KIRREL3: variants seen among roughly 807,000 people sequenced by gnomAD.
The protein encoded by KIRREL3 is kin of IRRE-like protein 3.
KIRREL3 carries 36 observed loss-of-function variants against 89.7 expected under a neutral mutation model. That is an observed-to-expected ratio of 0.40 (90% CI 0.31 to 0.53). KIRREL3 has a LOEUF of 0.53. KIRREL3 is among the 20% of genes least tolerant of loss of function. The pLI, the probability that KIRREL3 is intolerant of heterozygous loss-of-function variation, is 0.49. For missense variants in KIRREL3, 864 were observed against 1,056.6 expected (o/e 0.82, Z 2.53); for synonymous variants, 445 against 441.4 (o/e 1.01, Z -0.10).
intron 5 of KIRREL3, among the ~76,000 whole-genome samples, chr11:126,464,956 G>A (rs150506919): frequency 6.6e-6 from 1 of 152,256 alleles, no homozygotes; most frequent in African/African-American, 2.4e-5. Context: ...ATGTCATTCC[G>A]AAGCTAGTTC....
At position 126,521,078 on chromosome 11, in the gene KIRREL3, C is replaced by T. The variant is rs777312833; in HGVS notation, c.433+237G>A. Among the ~76,000 whole-genome samples, 3 of 152,336 alleles carry T rather than the reference C, an allele frequency of 2.0e-5. No homozygotes were observed. The highest frequency in any genetic ancestry group is 2.1e-4 in the South Asian group (1 of 4,828). ...CTGCCTAAGGCACCATCAAACACGC[C>T]GGGGTTGGACTGAGTCCGCTGGCAT... is the stretch of plus-strand genomic sequence containing the variant. On this transcript the variant is annotated intron_variant, in intron 4 of 16. Coordinates refer to ENST00000525144, the MANE Select transcript of KIRREL3 (RefSeq NM_032531.4). The surrounding 1 kb of genome is among the most constrained non-coding windows in gnomAD (Gnocchi z 4.1).
chr11:126,630,032 C>T (rs985592009), intron 1 of KIRREL3, among the ~76,000 whole-genome samples: 1 of 152,230 alleles, frequency 6.6e-6, no homozygotes, highest in African/African-American at 2.4e-5. Context: ...GGTTCCTTCG[C>T]ACCAGACACA....
intron 1 of KIRREL3, among the ~76,000 whole-genome samples, chr11:126,616,520 G>A (rs897997541): frequency 6.6e-6 from 1 of 152,208 alleles, no homozygotes; most frequent in African/African-American, 2.4e-5. Flanking sequence ...ACAAAAAAGG[G>A]AGCCAGCATT....
intron 1 of KIRREL3, among the ~76,000 whole-genome samples, chr11:126,621,640 C>T (rs1000086500): frequency 6.6e-6 from 1 of 151,420 alleles, no homozygotes; most frequent in Non-Finnish European, 1.5e-5. Flanking sequence ...TTTTTAATAC[C>T]ACGAAACTAT....
chr11:126,735,360 A>G (rs1329901972), intron 1 of KIRREL3, among the ~76,000 whole-genome samples: 2 of 152,196 alleles, frequency 1.3e-5, no homozygotes, highest in South Asian at 2.1e-4. Context: ...GGATCCTAGA[A>G]CAACAGAGAC....
intron 1 of KIRREL3, among the ~76,000 whole-genome samples, chr11:126,884,022 T>C (rs569685455): frequency 2.0e-5 from 3 of 152,280 alleles, no homozygotes; most frequent in South Asian, 4.1e-4. Flanking sequence ...GACAAGTGAT[T>C]GCAATGATCC....
intron 5 of KIRREL3, among the ~76,000 whole-genome samples, chr11:126,467,570 C>T (rs370039253): frequency 2.0e-5 from 3 of 152,094 alleles, no homozygotes; most frequent in Middle Eastern, 3.4e-3. Context: ...AGCCTGATTG[C>T]CTGGCAGCAA....
chr11:126,621,023 G>A (rs1287838703), intron 1 of KIRREL3, among the ~76,000 whole-genome samples: 1 of 152,198 alleles, frequency 6.6e-6, no homozygotes, highest in Non-Finnish European at 1.5e-5. Context: ...GAGTGTAAGC[G>A]AATGCAAAGG....
chr11:126,720,334 C>T (rs1044070616), intron 1 of KIRREL3, among the ~76,000 whole-genome samples: 21 of 152,170 alleles, frequency 1.4e-4, no homozygotes, highest in African/African-American at 4.6e-4. Flanking sequence ...CCAGCCCTCA[C>T]GGCAGTGTTT....
intron 4 of KIRREL3, among the ~76,000 whole-genome samples, chr11:126,497,223 A>T (rs1051290742): frequency 6.8e-6 from 1 of 146,698 alleles, no homozygotes; most frequent in Non-Finnish European, 1.5e-5. Context: ...TGTGAGAGTG[A>T]GTGTGTGTGA....
Position 126,624,182 on chromosome 11 carries a change from A to T in KIRREL3, c.56-61270T>A, listed in dbSNP as rs534874433. Among the ~76,000 whole-genome samples, 9 of 152,262 alleles carry T rather than the reference A, an allele frequency of 5.9e-5. No individual in the cohort carries two copies. The highest frequency in any genetic ancestry group is 1.9e-4 in the African/African-American group (8 of 41,544). The stretch of plus-strand genomic sequence containing the variant: ...CAAGTCACTAGGAATGAAGAACTAG[A>T]ATACAGGGAGCCAGGGGGTGGCGGT... On this transcript the variant is annotated intron_variant, in intron 1 of 16. Transcript: ENST00000525144. This position sits in a 1 kb window ranked among gnomAD's most constrained non-coding sequence, Gnocchi z 6.0.
intron 4 of KIRREL3, among the ~76,000 whole-genome samples, chr11:126,497,280 G>A (rs374813533): frequency 6.6e-6 from 1 of 151,984 alleles, no homozygotes; most frequent in Admixed American, 6.6e-5. Context: ...GTGTGACAGG[G>A]TGTGTGTGTG....
Position 126,782,685 on chromosome 11 carries a change from C to A in KIRREL3, c.55+217770G>T, listed in dbSNP as rs1950364461. 6.6e-6 allele frequency among the ~76,000 whole-genome samples: 1 copy of A among 152,132 alleles called. No individual in the cohort carries two copies. The highest frequency in any genetic ancestry group is 6.5e-5 in the Admixed American group (1 of 15,276). On this transcript the variant is annotated intron_variant, in intron 1 of 16. Transcript: ENST00000525144. The surrounding 1 kb of genome is among the most constrained non-coding windows in gnomAD (Gnocchi z 4.1). Reference sequence around the variant, plus strand: ...AGCAAAAGGAGGGGGCTAGAATGATCCAGATCCACGTGGTAATGAATTAGT... The same window carrying A: ...AGCAAAAGGAGGGGGCTAGAATGATACAGATCCACGTGGTAATGAATTAGT...
rs1732351643 is a variant in KIRREL3, at chr11:126,594,024, G to A, written c.56-31112C>T. 6.6e-6 allele frequency among the ~76,000 whole-genome samples: 1 copy of A among 152,168 alleles called. No homozygotes were observed. The highest frequency in any genetic ancestry group is 1.5e-5 in the Non-Finnish European group (1 of 68,020). ...AGAGATGACATTTGCAGAAACTCCT[G>A]CCTTTCACTTTCTGCTTTATTGGGG... is the stretch of plus-strand genomic sequence containing the variant. On this transcript the variant is annotated intron_variant, in intron 1 of 16. Transcript: ENST00000525144. This position sits in a 1 kb window ranked among gnomAD's most constrained non-coding sequence, Gnocchi z 5.0.
In KIRREL3 at chr11:126,904,583, C is replaced by A. The variant is rs1044812810; in HGVS notation, c.55+95872G>T. On this transcript the variant is annotated intron_variant, in intron 1 of 16. Coordinates refer to ENST00000525144, the MANE Select transcript of KIRREL3 (RefSeq NM_032531.4). This position sits in a 1 kb window ranked among gnomAD's most constrained non-coding sequence, Gnocchi z 4.4. Reference sequence around the variant, plus strand: ...GCTGCTGATGGCTTCCTACTAATGACTTTAAATACATGTTTTTGACATCAG... The same window carrying A: ...GCTGCTGATGGCTTCCTACTAATGAATTTAAATACATGTTTTTGACATCAG... Among the ~76,000 whole-genome samples, 1 of 152,194 alleles carries A rather than the reference C, an allele frequency of 6.6e-6. No individual in the cohort carries two copies. The highest frequency in any genetic ancestry group is 1.5e-5 in the Non-Finnish European group (1 of 68,028).
At chr11:126,875,036 G>A (rs1441194887) in intron 1 of KIRREL3, among the ~76,000 whole-genome samples, 2 of 152,108 alleles carry the variant, frequency 1.3e-5, no homozygotes, top group East Asian at 3.9e-4. Flanking sequence ...TGTCCTGTAG[G>A]GGGCTCCTCA....
intron 1 of KIRREL3, among the ~76,000 whole-genome samples, chr11:126,770,181 T>C (rs529271956): frequency 9.9e-5 from 15 of 152,234 alleles, no homozygotes; most frequent in Admixed American, 9.2e-4. Context: ...TGCTTCCTGC[T>C]TGTCAAGGGC....
chr11:126,820,453 T>C (rs1592174405), intron 1 of KIRREL3, among the ~76,000 whole-genome samples: 1 of 152,028 alleles, frequency 6.6e-6, no homozygotes, highest in Admixed American at 6.6e-5. Context: ...CTATATAAGG[T>C]GTGGATTCTG....
In KIRREL3 at chr11:126,432,990, T is replaced by C. The variant is rs1237509032; in HGVS notation, c.1589-1464A>G. Among the ~76,000 whole-genome samples the C allele has an allele frequency of 2.0e-4, 31 of 152,216 alleles. No homozygotes were observed. Among genetic ancestry groups the C allele is most frequent in the Admixed American group, 2.0e-3 (31 of 15,280 alleles). ...GCCTCCTGGGTTCAAGCGATTCTCCTGCCTCAGTCTCCCGAATAGCTGGGA... is the reference window on the plus strand; with the variant it reads ...GCCTCCTGGGTTCAAGCGATTCTCCCGCCTCAGTCTCCCGAATAGCTGGGA... On this transcript the variant is annotated intron_variant, in intron 13 of 16. Transcript: ENST00000525144. The surrounding 1 kb of genome is among the most constrained non-coding windows in gnomAD (Gnocchi z 6.2).
Sources: allele counts gnomAD v4.1 joint callset (sites outside exome capture counted in the v4.1 genomes callset), GRCh38; gene constraint gnomAD v4.1.1; non-coding constraint Gnocchi (gnomAD v3.1); transcripts MANE v1.5; gene names NCBI Gene and HGNC (gene_info 2026-07-23, HGNC 2026-07-21).